Variants in TAF8 observed in about 807,000 individuals in gnomAD.
The protein encoded by TAF8 is TATA-box binding protein associated factor 8, also known as transcription initiation factor TFIID subunit 8.
TAF8 carries 47 observed loss-of-function variants against 36.5 expected under a neutral mutation model. The observed-to-expected ratio is 1.29, with a 90% confidence interval of 1.02 to 1.64. TAF8 has a LOEUF of 1.64. TAF8 is among the 40% of genes most tolerant of loss of function. The pLI, the probability that TAF8 is intolerant of heterozygous loss-of-function variation, is 0.00. For missense variants in TAF8, 420 were observed against 407.6 expected (o/e 1.03, Z -0.26); for synonymous variants, 175 against 159.5 (o/e 1.10, Z -0.73).
In TAF8 at chr6:42,079,189, G is replaced by A; in HGVS notation, c.*1644G>A. On this transcript the variant is annotated 3_prime_UTR_variant, in exon 9 of 9. Coordinates refer to ENST00000372977, the MANE Select transcript of TAF8 (RefSeq NM_138572.3). ...TGGTGGGGTGAGGGTGGGGTGTTGA[G>A]GGCTGGGCCTCATCTTGTATTCTGA... is the stretch of plus-strand genomic sequence containing the variant. 2 of 985,496 alleles carry A rather than the reference G, an allele frequency of 2.0e-6. No individual in the cohort carries two copies. The highest frequency in any genetic ancestry group is 2.4e-6 in the Non-Finnish European group (2 of 829,940). The allele number at this position is 985,496 out of a possible 1,614,324, so 61.0% of individuals were successfully genotyped here. A position where few individuals can be genotyped will look rare whatever the true frequency, so the allele number is the denominator to read the frequency against.
intron 6 of TAF8, 129 bp from the exon 7 acceptor site, chr6:42,068,336 G>A (rs1765437564): frequency 1.0e-6 from 1 of 965,218 alleles, no homozygotes. Flanking sequence ...TGTTGTGTAA[G>A]TACTTGGAGC....
At chr6:42,056,053 A>G in intron 4 of TAF8, 39 bp downstream of exon 4, 1 of 1,353,362 alleles carries the variant, frequency 7.4e-7, no homozygotes, top group Non-Finnish European at 1.1e-6. Flanking sequence ...CAATTTTTCA[A>G]TTAATGCTTG....
Position 42,065,938 on chromosome 6 carries a change from C to T in TAF8, c.490-374C>T, listed in dbSNP as rs532913105. On this transcript the variant is annotated intron_variant, in intron 5 of 8. Transcript: ENST00000372977. ...TTTTTGAGACAGAGTCTCGCTCCTG[C>T]TGCACAGGCTGGAGTGCAATGATGC... Among the ~76,000 whole-genome samples, 8 of 152,262 alleles carry T rather than the reference C, an allele frequency of 5.3e-5. No individual in the cohort carries two copies. In the East Asian group the frequency reaches 1.5e-3, roughly 29 times the overall value.
downstream of TAF8, chr6:42,086,880 C>T (rs1766037349): frequency 4.3e-6 from 4 of 937,714 alleles, no homozygotes; most frequent in South Asian, 2.8e-5. Flanking sequence ...GCAGATGCTA[C>T]CCCACAAGCT....
rs772638688 is a variant in TAF8, at chr6:42,050,565, T to G, written c.24T>G (p.Ala8=). Residue 8 remains alanine, a synonymous_variant, in exon 1 of 9, where the codon GCT becomes GCG. Coordinates refer to ENST00000372977, the MANE Select transcript of TAF8 (RefSeq NM_138572.3). MADAAAT[A]GAGGSGTRSG... ...AGATGGCCGACGCGGCGGCCACAGC[T>G]GGGGCCGGTGGCTCCGGAACGGTAA... 1 of 1,550,244 alleles carries G rather than the reference T, an allele frequency of 6.5e-7. No homozygotes were observed. Among genetic ancestry groups the G allele is most frequent in the Admixed American group, 2.0e-5 (1 of 50,664 alleles).
chr6:42,083,988 T>G (rs1381347437), downstream of TAF8, among the ~76,000 whole-genome samples: 1 of 151,872 alleles, frequency 6.6e-6, no homozygotes, highest in Non-Finnish European at 1.5e-5. Context: ...GAGACCATCC[T>G]GGCTAACACA....
intron 7 of TAF8, among the ~76,000 whole-genome samples, chr6:42,069,453 T>A (rs1189037146): frequency 2.0e-5 from 3 of 152,178 alleles, no homozygotes; most frequent in African/African-American, 7.2e-5. Context: ...CTAGATCACT[T>A]TCAGAGCAGA....
In TAF8 at chr6:42,077,750, A is replaced by T. The variant is rs1221579461; in HGVS notation, c.*205A>T. ...GGGTTGAGGAAGATATGAACAGAAT[A>T]ATGAGAATTTTTTTTTTTATTTTGA... On this transcript the variant is annotated 3_prime_UTR_variant, in exon 9 of 9. Transcript: ENST00000372977. 2 of 1,428,854 alleles carry T rather than the reference A, an allele frequency of 1.4e-6. No homozygotes were observed. Among genetic ancestry groups the T allele is most frequent in the Non-Finnish European group, 1.8e-6 (2 of 1,096,234 alleles). The allele number at this position is 1,428,854 out of a possible 1,614,324, so 88.5% of individuals were successfully genotyped here.
At chr6:42,053,243 A>G (rs963701208) in intron 2 of TAF8, among the ~76,000 whole-genome samples, 3 of 152,056 alleles carry the variant, frequency 2.0e-5, no homozygotes, top group Non-Finnish European at 1.5e-5. Context: ...TAGCTTTTGT[A>G]TATGTGTATT....
chr6:42,051,635 A>T (rs922939505), intron 2 of TAF8, 122 bp downstream of exon 2: 49 of 1,199,060 alleles, frequency 4.1e-5, no homozygotes, highest in African/African-American at 2.9e-4. Context: ...GAGAAAAAAA[A>T]TTTTTTTTAA....
downstream of TAF8, among the ~76,000 whole-genome samples, chr6:42,085,121 T>C (rs1766006763): frequency 6.6e-6 from 1 of 152,210 alleles, no homozygotes; most frequent in Non-Finnish European, 1.5e-5. Context: ...TTTCCCTTTT[T>C]TTATACATGA....
At position 42,051,374 on chromosome 6, in the gene TAF8, G is replaced by C. The variant is rs373530647; in HGVS notation, c.63G>C (p.Gln21His). Reference protein sequence around the residue: ...GGSGTRSGSKQSTNPADNYHL... With the variant: ...GGSGTRSGSKHSTNPADNYHL... ...ATTCACAGAGATCGGGAAGTAAACAGTCCACTAACCCTGCCGATAACTATC... is the reference window on the plus strand; with the variant it reads ...ATTCACAGAGATCGGGAAGTAAACACTCCACTAACCCTGCCGATAACTATC... Residue 21 changes from glutamine to histidine, a missense_variant, in exon 2 of 9, where the codon CAG becomes CAC. Physicochemically the swap from Gln to His is conservative, Grantham distance 24 (BLOSUM62 0). Coordinates refer to ENST00000372977, the MANE Select transcript of TAF8 (RefSeq NM_138572.3). The C allele has an allele frequency of 5.0e-6, 8 of 1,613,924 alleles. No individual in the cohort carries two copies. The highest frequency in any genetic ancestry group is 4.4e-5 in the South Asian group (4 of 91,080).
chr6:42,051,466 G>T lies in TAF8; in HGVS notation c.155G>T (p.Ser52Ile), dbSNP rs780055411. ...TTGCTGACAGAGGCAGGGTTTGAGA[G>T]TGCCGAGAAAGCATCCGTGGAAACG... ...SSLLTEAGFE[S>I]AEKASVETLT... Residue 52 changes from serine (S) to isoleucine (I), a missense_variant, in exon 2 of 9, where the codon AGT becomes ATT. Coordinates refer to ENST00000372977, the MANE Select transcript of TAF8 (RefSeq NM_138572.3). 1.2e-6 allele frequency: 2 copies of T among 1,613,996 alleles called. No homozygotes were observed. The highest frequency in any genetic ancestry group is 2.2e-5 in the East Asian group (1 of 44,896).
In TAF8 at chr6:42,068,583, G is replaced by T. The variant is rs1765447912; in HGVS notation, c.756G>T (p.Glu252Asp). The change falls in exon 7 of 9, where the codon GAG becomes GAT. Residue 252 changes from glutamate to aspartate, a missense_variant. Glu to Asp is a conservative substitution (Grantham distance 45). Coordinates refer to ENST00000372977, the MANE Select transcript of TAF8 (RefSeq NM_138572.3). The stretch of plus-strand genomic sequence containing the variant: ...AGCAGGATGAACAGACAGACACAGA[G>T]AACCTTGCTCTTCATATCAGCATGG... ...SSEQDEQTDT[E>D]NLALHISMED... is the part of the protein sequence containing the mutation. 2 of 1,613,614 alleles carry T rather than the reference G, an allele frequency of 1.2e-6. No homozygotes were observed. Among genetic ancestry groups the T allele is most frequent in the African/African-American group, 1.3e-5 (1 of 74,922 alleles).
At chr6:42,053,015 T>C (rs1039268289) in intron 2 of TAF8, among the ~76,000 whole-genome samples, 1 of 152,208 alleles carries the variant, frequency 6.6e-6, no homozygotes, top group Non-Finnish European at 1.5e-5. Context: ...CACTTTTAAA[T>C]ACCAAATGTT....
intron 7 of TAF8, among the ~76,000 whole-genome samples, chr6:42,075,979 G>A (rs576525101): frequency 6.6e-6 from 1 of 152,158 alleles, no homozygotes; most frequent in South Asian, 2.1e-4. Context: ...GGAAGCCAAG[G>A]CTGGCAGATC....
At position 42,080,238 on chromosome 6, in the gene TAF8, C is replaced by T. The variant is rs1021815099; in HGVS notation, c.*2693C>T. 5.1e-6 allele frequency: 5 copies of T among 985,426 alleles called. No homozygotes were observed. The African/African-American group carries it at 7.0e-5, about 14-fold the overall frequency. The allele number at this position is 985,426 out of a possible 1,614,324, so 61.0% of individuals were successfully genotyped here. On this transcript the variant is annotated 3_prime_UTR_variant, in exon 9 of 9. Transcript: ENST00000372977. ...GGTGTTGTCCCAGTCAGTGTTTCTG[C>T]AGCTTCCATTTGTTGTTGTTATCCA...
Position 42,078,949 on chromosome 6 carries a change from C to T in TAF8, c.*1404C>T, listed in dbSNP as rs116089456. 0.048 allele frequency: 32,538 copies of T among 677,846 alleles called. 1,523 individuals carry two copies. Among genetic ancestry groups the T allele is most frequent in the African/African-American group, 0.2 (10,193 of 50,948 alleles). 42.0% of individuals were successfully genotyped at this position (677,846 alleles called of 1,614,324 possible). On this transcript the variant is annotated 3_prime_UTR_variant, in exon 9 of 9. Transcript: ENST00000372977. Reference sequence around the variant, plus strand: ...CCAGCCTGGCCAACATAGTGAAACCCCGTCTCTACTAAAAATACAAAAATT... The same window carrying T: ...CCAGCCTGGCCAACATAGTGAAACCTCGTCTCTACTAAAAATACAAAAATT...
chr6:42,084,321 C>G (rs1298453866), downstream of TAF8, among the ~76,000 whole-genome samples: 2 of 152,066 alleles, frequency 1.3e-5, no homozygotes, highest in Non-Finnish European at 2.9e-5. Context: ...CTGAGCACCT[C>G]CTATATGCCA....
Sources: allele counts gnomAD v4.1 joint callset (sites outside exome capture counted in the v4.1 genomes callset), GRCh38; gene constraint gnomAD v4.1.1; transcripts MANE v1.5; gene names NCBI Gene and HGNC (gene_info 2026-07-23, HGNC 2026-07-21).